GASK1B: variants seen among roughly 807,000 people sequenced by gnomAD.
GASK1B encodes the protein golgi associated kinase 1B, also known as Golgi-associated kinase 1B.
A neutral mutation model predicts 42.8 loss-of-function variants in GASK1B; 34 were observed. That is an observed-to-expected ratio of 0.79 (90% CI 0.60 to 1.06). The LOEUF (loss-of-function observed/expected upper bound fraction) is 1.06, where lower values mean the gene tolerates loss of function less well. Ranked by LOEUF, GASK1B falls within the 50% of genes least tolerant of loss-of-function variation. The pLI is 0.00. For synonymous variants in GASK1B, 262 were observed against 259.1 expected, an observed-to-expected ratio of 1.01 and a Z score of -0.11; for missense variants, 686 against 661.0, an observed-to-expected ratio of 1.04 and a Z score of -0.42.
intron 3 of GASK1B, among the ~76,000 whole-genome samples, chr4:158,139,161 T>A (rs1321501736): frequency 6.6e-6 from 1 of 152,190 alleles, no homozygotes; most frequent in African/African-American, 2.4e-5. Context: ...TTCAAAAACA[T>A]CCGCCTGCCT....
At chr4:158,159,914 C>T (rs1010247005) in intron 2 of GASK1B, among the ~76,000 whole-genome samples, 4 of 152,026 alleles carry the variant, frequency 2.6e-5, no homozygotes, top group African/African-American at 7.2e-5. Context: ...ACTGGCTGAG[C>T]GGTTTTGTGG....
rs1730434269 is a variant in GASK1B, at chr4:158,125,902, T to A, written c.*1505A>T. 1 of 152,146 alleles carries A rather than the reference T, an allele frequency of 6.6e-6. No individual in the cohort carries two copies. The highest frequency in any genetic ancestry group is 2.4e-5 in the African/African-American group (1 of 41,460). 9.4% of individuals were successfully genotyped at this position (152,146 alleles called of 1,614,324 possible). ...TGTATCAATTAGATCTATAGATTTT[T>A]TTTTTCAAATCTAGCCTCTATTGTA... On this transcript the variant is annotated 3_prime_UTR_variant, in exon 5 of 5. Coordinates refer to ENST00000585682, the MANE Select transcript of GASK1B (RefSeq NM_001128424.2).
chr4:158,164,943 G>A (rs1342148423), intron 2 of GASK1B, among the ~76,000 whole-genome samples: 2 of 152,202 alleles, frequency 1.3e-5, no homozygotes, highest in Non-Finnish European at 2.9e-5. Flanking sequence ...GGAAAACAGT[G>A]AGCAACTTGG....
In GASK1B at chr4:158,170,622, C is replaced by T. The variant is rs866350523; in HGVS notation, c.754G>A (p.Gly252Ser). ...CAGCGGAGCACAGCGCCAGGTGCGC[C>T]CCCCTCCAGCACCAGCAAACGGGCT... ...SGARLLVLEGGAPGAVLRCGP... is the reference protein window; with the variant it reads ...SGARLLVLEGSAPGAVLRCGP... The change falls in exon 2 of 5, where the codon GGC (glycine) becomes AGC (serine). Residue 252 changes from glycine (G) to serine (S), a missense_variant. Transcript: ENST00000585682. The T allele has an allele frequency of 1.4e-5, 23 of 1,613,666 alleles. No homozygotes were observed. The African/African-American group carries it at 2.1e-4, about 15-fold the overall frequency.
chr4:158,171,613 G>C lies in GASK1B; in HGVS notation c.-224-14C>G, dbSNP rs1732543587. The C allele has an allele frequency of 2.4e-6, 1 of 411,026 alleles. No individual in the cohort carries two copies. The highest frequency in any genetic ancestry group is 2.0e-5 in the African/African-American group (1 of 49,652). 25.5% of individuals were successfully genotyped at this position (411,026 alleles called of 1,614,324 possible). A position where few individuals can be genotyped will look rare whatever the true frequency, so the allele number is the denominator to read the frequency against. Reference sequence around the variant, plus strand: ...TGCGGCTTGTTTCTGGGAATGAATGGATACAGAGTTAACTGAGTCACAATT... The same window carrying C: ...TGCGGCTTGTTTCTGGGAATGAATGCATACAGAGTTAACTGAGTCACAATT... On this transcript the variant is annotated splice_polypyrimidine_tract_variant and intron_variant, in intron 1 of 4. Coordinates refer to ENST00000585682, the MANE Select transcript of GASK1B (RefSeq NM_001128424.2).
At chr4:158,164,955 A>G (rs1445956164) in intron 2 of GASK1B, among the ~76,000 whole-genome samples, 1 of 152,204 alleles carries the variant, frequency 6.6e-6, no homozygotes, top group African/African-American at 2.4e-5. Flanking sequence ...GCAACTTGGG[A>G]TCTACAATGA....
At chr4:158,135,990 TAA>T (rs767503158) in intron 3 of GASK1B, among the ~76,000 whole-genome samples, 9 of 152,100 alleles carry the variant, frequency 5.9e-5, no homozygotes, top group Non-Finnish European at 8.8e-5. Context: ...ATCAGAGAAA[TAA>T]AGTTTTTGAA....
At chr4:158,136,693 G>A (rs889172868) in intron 3 of GASK1B, among the ~76,000 whole-genome samples, 1 of 152,150 alleles carries the variant, frequency 6.6e-6, no homozygotes, top group African/African-American at 2.4e-5. Flanking sequence ...GTGTATGTAG[G>A]TGTGTGTGTT....
chr4:158,127,868 A>T (rs2245735), intron 4 of GASK1B, among the ~76,000 whole-genome samples: 1 of 151,986 alleles, frequency 6.6e-6, no homozygotes, highest in African/African-American at 2.4e-5. Flanking sequence ...CATTCCGTAC[A>T]CTCAAACAAA....
At chr4:158,139,207 C>A (rs2110948952) in intron 3 of GASK1B, among the ~76,000 whole-genome samples, 1 of 152,300 alleles carries the variant, frequency 6.6e-6, no homozygotes, top group East Asian at 1.9e-4. Context: ...AGACAAAGTT[C>A]TTGCTTTCAT....
chr4:158,129,500 A>G (rs904744678), intron 4 of GASK1B, among the ~76,000 whole-genome samples: 12 of 152,210 alleles, frequency 7.9e-5, no homozygotes, highest in African/African-American at 2.7e-4. Flanking sequence ...TCTCATAGCA[A>G]CAGTATTGCT....
chr4:158,130,787 CTT>C lies in GASK1B; in HGVS notation c.1349_1350del (p.Lys450ArgfsTer26). ...TGCAGATGTTACTATAAAACTTACTCTTTGATGCCTTCTAACAATTTGAAGTT... is the reference window on the plus strand; with the variant it reads ...TGCAGATGTTACTATAAAACTTACTCTGATGCCTTCTAACAATTTGAAGTT... ...NLNFKLLEGI[K>X]EFPASAVSVL... On this transcript the variant is annotated frameshift_variant and splice_region_variant, in exon 4 of 5. Transcript: ENST00000585682. LOFTEE classifies it high-confidence loss of function. 1 of 1,610,486 alleles carries C rather than the reference CTT, an allele frequency of 6.2e-7. No individual in the cohort carries two copies.
At chr4:158,157,083 C>T (rs557229664) in intron 2 of GASK1B, among the ~76,000 whole-genome samples, 1 of 152,198 alleles carries the variant, frequency 6.6e-6, no homozygotes, top group South Asian at 2.1e-4. Flanking sequence ...TCAAACCACT[C>T]CTGAGTTTGG....
intron 3 of GASK1B, among the ~76,000 whole-genome samples, chr4:158,148,478 C>T (rs1461924477): frequency 2.6e-5 from 4 of 152,180 alleles, no homozygotes; most frequent in Admixed American, 6.5e-5. Context: ...GAACAAAATA[C>T]ATAAGTCCAC....
intron 3 of GASK1B, among the ~76,000 whole-genome samples, chr4:158,141,597 CT>C (rs199530247): frequency 0.076 from 8,586 of 113,632 alleles, 2,011 homozygotes; most frequent in Non-Finnish European, 0.085. Context: ...TTGTATTTAC[CT>C]TTTTTTTTTT....
chr4:158,131,155 G>A (rs147688005), intron 3 of GASK1B, 143 bp from the exon 4 acceptor site: 29 of 656,348 alleles, frequency 4.4e-5, no homozygotes, highest in African/African-American at 4.4e-4. Flanking sequence ...AAAGGCAACT[G>A]TCAGAACAAG....
intron 3 of GASK1B, among the ~76,000 whole-genome samples, chr4:158,134,310 T>A (rs1730798823): frequency 6.6e-6 from 1 of 152,236 alleles, no homozygotes; most frequent in South Asian, 2.1e-4. Flanking sequence ...GAATCCATAA[T>A]ATGGTTTTAA....
chr4:158,135,561 T>A lies in GASK1B; in HGVS notation c.1126-4549A>T, dbSNP rs192605339. ...TGAGGAAACTGAGGCAGAAAAGGGC[T>A]AGTTGACCTCCCCAAGGCCTCTCAA... On this transcript the variant is annotated intron_variant, in intron 3 of 4. Transcript: ENST00000585682. Among the ~76,000 whole-genome samples, 235 of 152,008 alleles carry A rather than the reference T, an allele frequency of 1.5e-3. 1 individual carries two copies. The highest frequency in any genetic ancestry group is 5.3e-3 in the African/African-American group (221 of 41,438).
intron 3 of GASK1B, among the ~76,000 whole-genome samples, chr4:158,149,824 C>G (rs1731477716): frequency 6.6e-6 from 1 of 151,428 alleles, no homozygotes. Flanking sequence ...GATGATACCT[C>G]TGTTTAGGAA....
Sources: gnomAD v4.1 joint callset for allele counts (sites outside exome capture counted in the v4.1 genomes callset) on GRCh38, gnomAD v4.1.1 for gene constraint, MANE v1.5 for transcripts, NCBI Gene and HGNC (gene_info 2026-07-23, HGNC 2026-07-21) for gene names.